Variants in MYH8 observed in about 807,000 individuals in gnomAD.
The protein encoded by MYH8 is myosin-8.
MYH8 carries 168 observed loss-of-function variants against 233.2 expected under a neutral mutation model. That is an observed-to-expected ratio of 0.72 (90% confidence interval 0.64 to 0.82). The LOEUF (loss-of-function observed/expected upper bound fraction) is 0.82. Ranked by LOEUF, MYH8 falls within the 40% of genes least tolerant of loss-of-function variation. MYH8 has a pLI of 0.00. For missense variants in MYH8, 1,995 were observed against 2,327.8 expected, an observed-to-expected ratio of 0.86 and a Z score of 2.94; for synonymous variants, 785 against 850.6, an observed-to-expected ratio of 0.92 and a Z score of 1.34.
chr17:10,410,387 A>AT (rs1368204156), intron 15 of MYH8, among the ~76,000 whole-genome samples: 1 of 152,260 alleles, frequency 6.6e-6, no homozygotes, highest in East Asian at 1.9e-4. Context: ...ATTGGCTTTC[A>AT]TGAAAGCACT....
chr17:10,398,992 G>GTGTGTA lies in MYH8; in HGVS notation c.3863-107_3863-106insTACACA, dbSNP rs1555555761. On this transcript the variant is annotated intron_variant, in intron 28 of 39. Coordinates refer to ENST00000403437, the MANE Select transcript of MYH8 (RefSeq NM_002472.3). ...TATATATATATGTATATATGTGTGT[G>GTGTGTA]TGTATATATATATATATATATATAT... The GTGTGTA allele has an allele frequency of 1.1e-5, 5 of 439,864 alleles. No individual in the cohort carries two copies. The African/African-American group carries it at 1.3e-4, about 12-fold the overall frequency. The allele number at this position is 439,864 out of a possible 1,614,324, so 27.2% of individuals were successfully genotyped here. A position where few individuals can be genotyped will look rare whatever the true frequency, so the allele number is the denominator to read the frequency against.
Position 10,410,846 on chromosome 17 carries a change from C to T in MYH8, c.1518G>A (p.Lys506=). ...MFVLEQEEYK[K]EGIEWTFIDF... is the part of the protein sequence containing the mutation. ...CAATGAACGTCCACTCGATGCCTTC[C>T]TTCTTGTACTCCTCCTGCTCTAGCA... is the stretch of plus-strand genomic sequence containing the variant. The change falls in exon 15 of 40, where the codon AAG becomes AAA. Residue 506 remains lysine (K), a synonymous_variant. Coordinates refer to ENST00000403437, the MANE Select transcript of MYH8 (RefSeq NM_002472.3). The T allele has an allele frequency of 1.2e-6, 2 of 1,613,982 alleles. No individual in the cohort carries two copies. Among genetic ancestry groups the T allele is most frequent in the Non-Finnish European group, 1.7e-6 (2 of 1,179,956 alleles).
rs1280877461 is a variant in MYH8, at chr17:10,393,184, C to T, written c.5193G>A (p.Lys1731=). ...GTTGGGAAACGTCATTTTCTAATTT[C>T]TTCTTGGTGTTAATGAGACTGGTAT... The part of the protein sequence containing the change: ...TQNTSLINTK[K]KLENDVSQLQ... The change falls in exon 36 of 40, where the codon AAG becomes AAA. Residue 1731 remains lysine (K), a synonymous_variant. Coordinates refer to ENST00000403437, the MANE Select transcript of MYH8 (RefSeq NM_002472.3). The T allele has an allele frequency of 1.2e-6, 2 of 1,614,002 alleles. No individual in the cohort carries two copies. The highest frequency in any genetic ancestry group is 1.7e-5 in the Admixed American group (1 of 60,000).
chr17:10,406,517 G>A, intron 19 of MYH8, 120 bp from the exon 20 acceptor site: 1 of 1,461,106 alleles, frequency 6.8e-7, no homozygotes, highest in Non-Finnish European at 9.6e-7. Context: ...AAATCCAACT[G>A]CCGTTTAAGG....
In MYH8 at chr17:10,414,501, A is replaced by G. The variant is rs1228541703; in HGVS notation, c.806-17T>C. On this transcript the variant is annotated splice_polypyrimidine_tract_variant and intron_variant, in intron 9 of 39. Coordinates refer to ENST00000403437, the MANE Select transcript of MYH8 (RefSeq NM_002472.3). The stretch of plus-strand genomic sequence containing the variant: ...CTAAAAGATCTGGAGAGGGAAATAG[A>G]TATCGAGTTTGAAAAAAGTATCAAT... 1 of 1,543,092 alleles carries G rather than the reference A, an allele frequency of 6.5e-7. No homozygotes were observed. The highest frequency in any genetic ancestry group is 1.7e-5 in the Admixed American group (1 of 59,766).
chr17:10,390,343 A>G lies in MYH8; in HGVS notation c.*111T>C, dbSNP rs969149961. The G allele has an allele frequency of 8.7e-6, 12 of 1,385,838 alleles. No homozygotes were observed. The East Asian group carries it at 2.3e-4, about 26-fold the overall frequency. 85.8% of individuals were successfully genotyped at this position (1,385,838 alleles called of 1,614,324 possible). ...CCGGTTTAATGTATACATTTACTGTAGTTTTTATTTATTCAGCTTTAACAG... is the reference window on the plus strand; with the variant it reads ...CCGGTTTAATGTATACATTTACTGTGGTTTTTATTTATTCAGCTTTAACAG... On this transcript the variant is annotated 3_prime_UTR_variant, in exon 40 of 40. Transcript: ENST00000403437.
chr17:10,406,337 A>C lies in MYH8; in HGVS notation c.2232T>G (p.Ala744=), dbSNP rs527594179. Reference sequence around the variant, plus strand: ...CAATAGATGCAAGAAGTTTCTCAGAAGCCTTCTTGCTGTCAATGAACTGTC... The same window carrying C: ...CAATAGATGCAAGAAGTTTCTCAGACGCCTTCTTGCTGTCAATGAACTGTC... ...PEGQFIDSKK[A]SEKLLASIDI... The change falls in exon 20 of 40, where the codon GCT becomes GCG. Residue 744 remains alanine (A), a synonymous_variant. Coordinates refer to ENST00000403437, the MANE Select transcript of MYH8 (RefSeq NM_002472.3). 1 of 1,613,994 alleles carries C rather than the reference A, an allele frequency of 6.2e-7. No individual in the cohort carries two copies. The highest frequency in any genetic ancestry group is 1.7e-5 in the Admixed American group (1 of 60,030).
intron 14 of MYH8, 127 bp from the exon 15 acceptor site, chr17:10,411,074 C>A: frequency 1.2e-5 from 18 of 1,516,616 alleles, no homozygotes; most frequent in Non-Finnish European, 1.6e-5. Flanking sequence ...ACTAACGTTG[C>A]TCCCTCAAAA....
chr17:10,410,730 T>C, intron 15 of MYH8, 47 bp downstream of exon 15: 1 of 1,613,724 alleles, frequency 6.2e-7, no homozygotes, highest in Non-Finnish European at 8.5e-7. Flanking sequence ...TTAAGATTTC[T>C]GGAAAGTGAT....
At chr17:10,411,211 C>T (rs1396679620) in intron 14 of MYH8, among the ~76,000 whole-genome samples, 1 of 151,902 alleles carries the variant, frequency 6.6e-6, no homozygotes, top group Non-Finnish European at 1.5e-5. Flanking sequence ...TCTGTCTCTA[C>T]TGAAAATACA....
chr17:10,395,979 T>C (rs533554136), intron 33 of MYH8, among the ~76,000 whole-genome samples: 1 of 152,308 alleles, frequency 6.6e-6, no homozygotes, highest in South Asian at 2.1e-4. Flanking sequence ...ATATTGTATA[T>C]GCAAATTTGT....
rs2072197342 is a variant in MYH8 at position 10,406,716 on chromosome 17, T to A, written c.2145A>T (p.Arg715Ser). The A allele has an allele frequency of 3.7e-6, 6 of 1,614,128 alleles. No homozygotes were observed. The highest frequency in any genetic ancestry group is 1.1e-5 in the South Asian group (1 of 91,080). The change falls in exon 19 of 40, where the codon AGA becomes AGT. Residue 715 changes from arginine (R) to serine (S), a missense_variant. Coordinates refer to ENST00000403437, the MANE Select transcript of MYH8 (RefSeq NM_002472.3). ...TTTGTTTGAAATCACCATATAAGATTCTGCTTGGGAATCCTTTCCTACAGA... is the reference window on the plus strand; with the variant it reads ...TTTGTTTGAAATCACCATATAAGATACTGCTTGGGAATCCTTTCCTACAGA... ...IRICRKGFPS[R>S]ILYGDFKQRY... is the part of the protein sequence containing the mutation.
chr17:10,404,597 T>C lies in MYH8; in HGVS notation c.2433-12A>G. 1 of 1,613,902 alleles carries C rather than the reference T, an allele frequency of 6.2e-7. No homozygotes were observed. Among genetic ancestry groups the C allele is most frequent in the Non-Finnish European group, 8.5e-7 (1 of 1,179,794 alleles). ...AGAAAAGTGCTTCTCTGCGATGACA[T>C]GAAAATATCAGTGTAGACTAATCCA... On this transcript the variant is annotated splice_polypyrimidine_tract_variant and intron_variant, in intron 21 of 39. Coordinates refer to ENST00000403437, the MANE Select transcript of MYH8 (RefSeq NM_002472.3).
rs113351562 is a variant in MYH8, at chr17:10,391,406, G to A, written c.5664+476C>T. Among the ~76,000 whole-genome samples, 400 of 152,266 alleles carry A rather than the reference G, an allele frequency of 2.6e-3. 3 individuals are homozygous for A. Among genetic ancestry groups the A allele is most frequent in the African/African-American group, 8.5e-3 (354 of 41,548 alleles). On this transcript the variant is annotated intron_variant, in intron 39 of 39. Coordinates refer to ENST00000403437, the MANE Select transcript of MYH8 (RefSeq NM_002472.3). ...AATAATAAAAATATCTCGGCTGGGC[G>A]TGGTGGCTCATGCCTGTAATCCCAG...
Position 10,404,417 on chromosome 17 carries a change from G to C in MYH8, c.2601C>G (p.Ala867=). 2 of 1,613,706 alleles carry C rather than the reference G, an allele frequency of 1.2e-6. No homozygotes were observed. Among genetic ancestry groups the C allele is most frequent in the South Asian group, 2.2e-5 (2 of 91,022 alleles). ...GCTCCTTCCGTTTTGCCTCTGACTTGGCGAGTTCATCTTTGGTTTTCTGGA... is the reference window on the plus strand; with the variant it reads ...GCTCCTTCCGTTTTGCCTCTGACTTCGCGAGTTCATCTTTGGTTTTCTGGA... The part of the protein sequence containing the change: ...EEFQKTKDEL[A]KSEAKRKELE... Residue 867 remains alanine, a synonymous_variant, in exon 22 of 40, where the codon GCC becomes GCG. Transcript: ENST00000403437.
intron 30 of MYH8, among the ~76,000 whole-genome samples, chr17:10,397,867 G>A (rs1051786349): frequency 2.0e-5 from 3 of 152,232 alleles, no homozygotes; most frequent in South Asian, 2.1e-4. Context: ...AGGACAATTC[G>A]TGCAGTTTAA....
At chr17:10,399,705 A>G in intron 27 of MYH8, 36 bp from the exon 28 acceptor site, 2 of 1,612,952 alleles carry the variant, frequency 1.2e-6, no homozygotes, top group South Asian at 2.2e-5. Context: ...TGAGACATTG[A>G]ATGCAATAAA....
In MYH8 at chr17:10,390,428, C is replaced by G; in HGVS notation, c.*26G>C. On this transcript the variant is annotated 3_prime_UTR_variant, in exon 40 of 40. Coordinates refer to ENST00000403437, the MANE Select transcript of MYH8 (RefSeq NM_002472.3). ...AGCACATTTTGTGCCTTTCTTCAGCCTCTTGATAGCATCAGGCAGGTGTGT... is the reference window on the plus strand; with the variant it reads ...AGCACATTTTGTGCCTTTCTTCAGCGTCTTGATAGCATCAGGCAGGTGTGT... The G allele has an allele frequency of 6.2e-7, 1 of 1,612,632 alleles. No homozygotes were observed. The highest frequency in any genetic ancestry group is 8.5e-7 in the Non-Finnish European group (1 of 1,180,002).
At chr17:10,392,300 T>A (rs1170927618) in intron 38 of MYH8, among the ~76,000 whole-genome samples, 1 of 146,766 alleles carries the variant, frequency 6.8e-6, no homozygotes, top group African/African-American at 2.7e-5. Context: ...CTAGGACTAA[T>A]ACCCAGTTAA....
Sources: gnomAD v4.1 joint callset for allele counts (sites outside exome capture counted in the v4.1 genomes callset) on GRCh38, gnomAD v4.1.1 for gene constraint, MANE v1.5 for transcripts, NCBI Gene and HGNC (gene_info 2026-07-23, HGNC 2026-07-21) for gene names.